The following SLC6A11 variants were observed in gnomAD, a reference collection of about 807,000 sequenced individuals.
SLC6A11 encodes solute carrier family 6 member 11.
In SLC6A11, 25 loss-of-function variants were observed where a neutral mutation model predicts 74.8. That is an observed-to-expected ratio of 0.33 (90% CI 0.24 to 0.47). The LOEUF (loss-of-function observed/expected upper bound fraction) is 0.47. SLC6A11 is among the 20% of genes least tolerant of loss of function. The pLI is 1.00. For missense variants in SLC6A11, 574 were observed against 837.0 expected (o/e 0.69, Z 3.88); for synonymous variants, 330 against 330.2 (o/e 1.00, Z 0.01).
At chr3:10,877,914 G>C (rs1694928761) in intron 6 of SLC6A11, among the ~76,000 whole-genome samples, 1 of 152,278 alleles carries the variant, frequency 6.6e-6, no homozygotes, top group Admixed American at 6.5e-5. Context: ...GTGAGCAGGG[G>C]TTGATGGGCC....
In SLC6A11 at chr3:10,926,241, GC is replaced by G. The variant is rs1695605267; in HGVS notation, c.1233+128del. On this transcript the variant is annotated intron_variant, in intron 9 of 13. Transcript: ENST00000254488. This position sits in a 1 kb window ranked among gnomAD's most constrained non-coding sequence, Gnocchi z 5.7. ...CACCTGGCCCTGGCATCAGGGCCCT[GC>G]CCACCGTCCCCCATTCCACCCTCCA... 4 of 647,012 alleles carry G rather than the reference GC, an allele frequency of 6.2e-6. No homozygotes were observed. In the African/African-American group the frequency reaches 7.3e-5, roughly 12 times the overall value. The allele number at this position is 647,012 out of a possible 1,614,324, so 40.1% of individuals were successfully genotyped here. A position where few individuals can be genotyped will look rare whatever the true frequency, so the allele number is the denominator to read the frequency against.
At chr3:10,861,932 G>C (rs180767870) in intron 5 of SLC6A11, among the ~76,000 whole-genome samples, 1 of 152,318 alleles carries the variant, frequency 6.6e-6, no homozygotes, top group Admixed American at 6.5e-5. Flanking sequence ...CCAATTGGAT[G>C]GATGGGAGGA....
At chr3:10,873,428 T>TGGCATG (rs1394457022) in intron 5 of SLC6A11, among the ~76,000 whole-genome samples, 4 of 150,858 alleles carry the variant, frequency 2.7e-5, no homozygotes, top group Admixed American at 1.3e-4. Context: ...TCCTATCCTA[T>TGGCATG]CCTATCCTAT....
In SLC6A11 at chr3:10,869,262, G is replaced by T. The variant is rs146916867; in HGVS notation, c.757-5699G>T. 2.7e-4 allele frequency among the ~76,000 whole-genome samples: 41 copies of T among 152,364 alleles called. No homozygotes were observed. The East Asian group carries it at 7.5e-3, about 28-fold the overall frequency. Reference sequence around the variant, plus strand: ...GGAATGACAGGGGTGATGAATGTGGGATGGGGCTCAGGGAGGACGGGGCAA... The same window carrying T: ...GGAATGACAGGGGTGATGAATGTGGTATGGGGCTCAGGGAGGACGGGGCAA... On this transcript the variant is annotated intron_variant, in intron 5 of 13. Coordinates refer to ENST00000254488, the MANE Select transcript of SLC6A11 (RefSeq NM_014229.3).
intron 6 of SLC6A11, among the ~76,000 whole-genome samples, chr3:10,883,627 A>G (rs114035032): frequency 0.013 from 1,933 of 152,194 alleles, 21 homozygotes; most frequent in Non-Finnish European, 0.018. Context: ...CAAAAAGATG[A>G]ATCAGGGAAA....
chr3:10,884,039 C>T (rs968343386), intron 6 of SLC6A11, among the ~76,000 whole-genome samples: 1 of 152,184 alleles, frequency 6.6e-6, no homozygotes, highest in Non-Finnish European at 1.5e-5. Context: ...CCAATGACAA[C>T]AGTGGTGCCG....
intron 6 of SLC6A11, among the ~76,000 whole-genome samples, chr3:10,894,642 T>G (rs1695148889): frequency 6.6e-6 from 1 of 152,080 alleles, no homozygotes; most frequent in Admixed American, 6.6e-5. Flanking sequence ...AGGGACTGGG[T>G]GGGCAGGGTT....
At chr3:10,909,109 CAAA>C (rs34230224) in intron 6 of SLC6A11, among the ~76,000 whole-genome samples, 1,777 of 104,008 alleles carry the variant, frequency 0.017, 17 homozygotes, top group Non-Finnish European at 0.026. Flanking sequence ...ACATCCCCAG[CAAA>C]AAAAAAAAAA....
intron 4 of SLC6A11, among the ~76,000 whole-genome samples, chr3:10,841,954 C>T (rs150806013): frequency 1.7e-4 from 26 of 152,296 alleles, no homozygotes; most frequent in East Asian, 1.4e-3. Context: ...GGGCTGTTTC[C>T]GTCAGCAGCA....
chr3:10,909,109 CAAAAA>C (rs34230224), intron 6 of SLC6A11, among the ~76,000 whole-genome samples: 2 of 104,052 alleles, frequency 1.9e-5, no homozygotes, highest in Non-Finnish European at 2.0e-5. Flanking sequence ...ACATCCCCAG[CAAAAA>C]AAAAAAAAAA....
intron 4 of SLC6A11, among the ~76,000 whole-genome samples, chr3:10,836,138 T>G (rs1302158881): frequency 2.0e-5 from 3 of 152,234 alleles, no homozygotes; most frequent in Non-Finnish European, 4.4e-5. Context: ...CGTGATTGGC[T>G]TCTTTCATGT....
intron 3 of SLC6A11, among the ~76,000 whole-genome samples, chr3:10,822,258 G>A (rs113392243): frequency 3.9e-5 from 6 of 152,214 alleles, no homozygotes; most frequent in African/African-American, 1.2e-4. Flanking sequence ...GCCATGGTGC[G>A]GGGTGCAGGG....
chr3:10,937,715 C>T (rs987673129), intron 13 of SLC6A11, among the ~76,000 whole-genome samples: 3 of 152,192 alleles, frequency 2.0e-5, no homozygotes, highest in Admixed American at 6.5e-5. Flanking sequence ...AGGCTGTGAG[C>T]CTTGGGCTTT....
intron 9 of SLC6A11, among the ~76,000 whole-genome samples, chr3:10,927,594 A>G (rs908357945): frequency 2.0e-5 from 3 of 152,218 alleles, no homozygotes; most frequent in African/African-American, 7.2e-5. Context: ...ATCAGTTTCA[A>G]TCCTGGATAA....
intron 9 of SLC6A11, among the ~76,000 whole-genome samples, chr3:10,927,679 G>A (rs934518689): frequency 6.6e-6 from 1 of 152,186 alleles, no homozygotes. Context: ...TTGCTGCTGA[G>A]GCGGAGCAGC....
intron 6 of SLC6A11, among the ~76,000 whole-genome samples, chr3:10,876,737 GCCC>G (rs71055841): frequency 0.07 from 1,681 of 24,110 alleles, 131 homozygotes; most frequent in East Asian, 0.11. Context: ...TAAACGCCCC[GCCC>G]CCCCCCCCCC....
chr3:10,929,841 G>A (rs780615871), intron 10 of SLC6A11, among the ~76,000 whole-genome samples: 8 of 152,104 alleles, frequency 5.3e-5, no homozygotes, highest in Non-Finnish European at 8.8e-5. Flanking sequence ...GTCCCTGCTG[G>A]GCTTGCAGGT....
At chr3:10,818,594 G>A (rs1026864551) in intron 1 of SLC6A11, among the ~76,000 whole-genome samples, 3 of 152,150 alleles carry the variant, frequency 2.0e-5, no homozygotes, top group Admixed American at 1.3e-4. Flanking sequence ...TAATCCTTAC[G>A]GTTAAGGAGA....
At chr3:10,859,440 T>TGCAAGTAGAC (rs1694677773) in intron 5 of SLC6A11, among the ~76,000 whole-genome samples, 1 of 152,152 alleles carries the variant, frequency 6.6e-6, no homozygotes, top group South Asian at 2.1e-4. Flanking sequence ...TCTGTGACTC[T>TGCAAGTAGAC]GCAAGTAGAC....
Sources: allele counts gnomAD v4.1 joint callset (sites outside exome capture counted in the v4.1 genomes callset), GRCh38; gene constraint gnomAD v4.1.1; non-coding constraint Gnocchi (gnomAD v3.1); transcripts MANE v1.5; gene names NCBI Gene and HGNC (gene_info 2026-07-23, HGNC 2026-07-21).